NEGR1: variants seen among roughly 807,000 people sequenced by gnomAD.
The protein encoded by NEGR1 is IgLON family member 4.
Under a neutral mutation model 40.9 loss-of-function variants are expected in NEGR1, and 10 were observed. The observed-to-expected ratio is 0.24, with a 90% confidence interval of 0.15 to 0.42. The LOEUF is 0.42. Ranked by LOEUF, NEGR1 falls within the 10% of genes least tolerant of loss-of-function variation. NEGR1 has a pLI of 1.00. For synonymous variants in NEGR1, 185 were observed against 166.8 expected (o/e 1.11, Z -0.84); for missense variants, 352 against 438.9 (o/e 0.80, Z 1.77).
chr1:71,802,141 G>A (rs1475098685), intron 2 of NEGR1, among the ~76,000 whole-genome samples: 1 of 152,172 alleles, frequency 6.6e-6, no homozygotes, highest in East Asian at 1.9e-4. Flanking sequence ...TGTTGAAGGT[G>A]CAGCTTGGGT....
chr1:71,984,564 C>T (rs1646379451), intron 1 of NEGR1, among the ~76,000 whole-genome samples: 1 of 152,148 alleles, frequency 6.6e-6, no homozygotes, highest in Non-Finnish European at 1.5e-5. Flanking sequence ...TACATGTTTT[C>T]AAATTTTGGG....
chr1:71,558,436 G>A (rs189268851), intron 6 of NEGR1, among the ~76,000 whole-genome samples: 11 of 151,568 alleles, frequency 7.3e-5, no homozygotes, highest in Non-Finnish European at 1.3e-4. Flanking sequence ...TTATAATGGC[G>A]TTCTGATGGT....
intron 1 of NEGR1, among the ~76,000 whole-genome samples, chr1:72,045,696 G>T (rs1248835133): frequency 6.6e-6 from 1 of 151,580 alleles, no homozygotes; most frequent in African/African-American, 2.4e-5. Flanking sequence ...CCCAGTCTTG[G>T]GTATGTCTTT....
chr1:71,407,896 T>C, intron 6 of NEGR1: 1 of 223,732 alleles, frequency 4.5e-6, no homozygotes. Flanking sequence ...CTAACATTAT[T>C]ATTCCTCTTA....
intron 1 of NEGR1, among the ~76,000 whole-genome samples, chr1:72,062,987 G>A (rs1205271745): frequency 1.3e-5 from 2 of 151,792 alleles, no homozygotes; most frequent in African/African-American, 4.8e-5. Context: ...TAAAACTAGT[G>A]GGAGGAAAGG....
At chr1:71,440,527 T>C (rs1646540065) in intron 6 of NEGR1, among the ~76,000 whole-genome samples, 2 of 152,206 alleles carry the variant, frequency 1.3e-5, no homozygotes, top group Non-Finnish European at 2.9e-5. Flanking sequence ...TTACTTTTCT[T>C]AAATGCAGTT....
At chr1:72,073,349 C>A in intron 1 of NEGR1, among the ~76,000 whole-genome samples, 1 of 152,124 alleles carries the variant, frequency 6.6e-6, no homozygotes, top group South Asian at 2.1e-4. Context: ...ATGTTTCATT[C>A]CTAAAAATGA....
chr1:72,135,400 A>AAC (rs1650420621), intron 1 of NEGR1, among the ~76,000 whole-genome samples: 2 of 131,516 alleles, frequency 1.5e-5, no homozygotes, highest in African/African-American at 5.7e-5. Flanking sequence ...CAAAAAACAA[A>AAC]AAACAAAAAA....
intron 6 of NEGR1, among the ~76,000 whole-genome samples, chr1:71,500,936 G>T (rs780160638): frequency 8.6e-5 from 13 of 151,676 alleles, no homozygotes; most frequent in African/African-American, 2.9e-4. Flanking sequence ...TTTATCTGGG[G>T]TTTATTGACT....
rs555351268 is a variant in NEGR1, at chr1:71,506,202, G to T, written c.940+86615C>A. Among the ~76,000 whole-genome samples the T allele has an allele frequency of 8.6e-4, 131 of 152,250 alleles. 1 individual carries two copies. Among genetic ancestry groups the T allele is most frequent in the Non-Finnish European group, 1.1e-3 (77 of 68,030 alleles). On this transcript the variant is annotated intron_variant, in intron 6 of 6. Coordinates refer to ENST00000357731, the MANE Select transcript of NEGR1 (RefSeq NM_173808.3). ...AAAAGGAACCCAATCCCTCGCAATGGTCCCCAGAGAAAATTCAGGCAATGA... is the reference window on the plus strand; with the variant it reads ...AAAAGGAACCCAATCCCTCGCAATGTTCCCCAGAGAAAATTCAGGCAATGA...
intron 3 of NEGR1, among the ~76,000 whole-genome samples, chr1:71,760,448 C>T (rs2101699234): frequency 6.6e-6 from 1 of 152,204 alleles, no homozygotes; most frequent in South Asian, 2.1e-4. Flanking sequence ...AAAGAAAACT[C>T]TCAGAAAAAA....
At chr1:72,126,646 G>A (rs1650035323) in intron 1 of NEGR1, among the ~76,000 whole-genome samples, 1 of 152,152 alleles carries the variant, frequency 6.6e-6, no homozygotes, top group Non-Finnish European at 1.5e-5. Context: ...ATTCTGAAGG[G>A]TCAGAGATTT....
intron 3 of NEGR1, among the ~76,000 whole-genome samples, chr1:71,719,025 C>A (rs1165862853): frequency 6.6e-6 from 1 of 152,156 alleles, no homozygotes; most frequent in Non-Finnish European, 1.5e-5. Context: ...AATGGATAAG[C>A]TAAGGGTTTG....
chr1:71,688,445 A>AT lies in NEGR1; in HGVS notation c.667+9562_667+9563insA, dbSNP rs1252198109. Among the ~76,000 whole-genome samples the AT allele has an allele frequency of 3.5e-4, 49 of 141,912 alleles. 7 individuals carry two copies. The highest frequency in any genetic ancestry group is 2.0e-3 in the East Asian group (10 of 4,996). The allele number at this position is 141,912 out of a possible 152,430, so 93.1% of individuals were successfully genotyped here. On this transcript the variant is annotated intron_variant, in intron 4 of 6. Transcript: ENST00000357731. ...ATATATATATAAAAGATATATATATAAAAGATATGTATATATCTTTTTTTT... is the reference window on the plus strand; with the variant it reads ...ATATATATATAAAAGATATATATATATAAAGATATGTATATATCTTTTTTTT...
chr1:71,573,420 C>T (rs1648867959), intron 6 of NEGR1: 1 of 152,350 alleles, frequency 6.6e-6, no homozygotes, highest in African/African-American at 2.4e-5. Flanking sequence ...CCTTCTGATT[C>T]CATGGTCACC....
At chr1:72,051,064 T>C (rs1222943076) in intron 1 of NEGR1, among the ~76,000 whole-genome samples, 1 of 151,524 alleles carries the variant, frequency 6.6e-6, no homozygotes, top group Non-Finnish European at 1.5e-5. Flanking sequence ...AAATCCTACA[T>C]GCACTTACCA....
chr1:71,771,337 T>C (rs1168697942), intron 3 of NEGR1, among the ~76,000 whole-genome samples: 2 of 152,008 alleles, frequency 1.3e-5, no homozygotes, highest in South Asian at 4.2e-4. Context: ...TTAGGAGAAA[T>C]ACTTAATGTA....
rs553091745 is a variant in NEGR1, at chr1:72,246,120, C to T, written c.176+36199G>A. Among the ~76,000 whole-genome samples, 3 of 152,244 alleles carry T rather than the reference C, an allele frequency of 2.0e-5. No homozygotes were observed. In the East Asian group the frequency reaches 5.8e-4, roughly 29 times the overall value. ...TCATCCCATTCAAAAAAACAAAAGG[C>T]ATTTTATCTGTTCATTGCCTGCTTG... On this transcript the variant is annotated intron_variant, in intron 1 of 6. Coordinates refer to ENST00000357731, the MANE Select transcript of NEGR1 (RefSeq NM_173808.3).
intron 1 of NEGR1, among the ~76,000 whole-genome samples, chr1:72,102,429 A>C (rs556359430): frequency 6.6e-6 from 1 of 152,180 alleles, no homozygotes; most frequent in South Asian, 2.1e-4. Flanking sequence ...TTTTACAAGA[A>C]ATTTAGCAAC....
Sources: gnomAD v4.1 joint callset for allele counts (sites outside exome capture counted in the v4.1 genomes callset) on GRCh38, gnomAD v4.1.1 for gene constraint, MANE v1.5 for transcripts, NCBI Gene and HGNC (gene_info 2026-07-23, HGNC 2026-07-21) for gene names.